The following LRRC40 variants were observed in gnomAD, a reference collection of about 807,000 sequenced individuals.
LRRC40 encodes leucine-rich repeat-containing protein 40.
In LRRC40, 76 loss-of-function variants were observed where a neutral mutation model predicts 72.8. That is an observed-to-expected ratio of 1.04 (90% CI 0.87 to 1.26). LRRC40 has a LOEUF of 1.26. Among genes scored for constraint, LRRC40 ranks in the 50% most tolerant of loss-of-function variants. The pLI, the probability that LRRC40 is intolerant of heterozygous loss-of-function variation, is 0.00. For synonymous variants in LRRC40, 243 were observed against 254.2 expected, an observed-to-expected ratio of 0.96 and a Z score of 0.42; for missense variants, 684 against 698.9, an observed-to-expected ratio of 0.98 and a Z score of 0.24.
At chr1:70,186,775 T>C (rs1268453381) in intron 3 of LRRC40, among the ~76,000 whole-genome samples, 1 of 152,210 alleles carries the variant, frequency 6.6e-6, no homozygotes, top group Non-Finnish European at 1.5e-5. Context: ...ACATCCCATG[T>C]ACCAGTATGT....
chr1:70,155,769 A>T lies in LRRC40; in HGVS notation c.1248T>A (p.Asp416Glu), dbSNP rs1283880386. 2.5e-6 allele frequency: 4 copies of T among 1,572,634 alleles called. No homozygotes were observed. The African/African-American group carries it at 4.0e-5, about 16-fold the overall frequency. Residue 416 changes from aspartate (D) to glutamate (E), a missense_variant, in exon 11 of 15, where the codon GAT becomes GAA. Coordinates refer to ENST00000370952, the MANE Select transcript of LRRC40 (RefSeq NM_017768.5). ...TGCTTTTTACTGCATCAAACACCTC[A>T]TCAGGAATCAAAGTTGCTTGTTTAT... ...YSDKQATLIP[D>E]EVFDAVKSNI...
chr1:70,190,320 A>G (rs1668465037), intron 1 of LRRC40, among the ~76,000 whole-genome samples: 1 of 152,082 alleles, frequency 6.6e-6, no homozygotes, highest in South Asian at 2.1e-4. Context: ...TTGGATGATT[A>G]ATCAGATAAA....
chr1:70,179,024 T>C (rs1385617097), intron 5 of LRRC40, 31 bp from the exon 6 acceptor site: 3 of 1,385,624 alleles, frequency 2.2e-6, no homozygotes, highest in South Asian at 1.7e-5. Flanking sequence ...AAAACAAAAA[T>C]AGAGAAAAAA....
Position 70,173,090 on chromosome 1 carries a change from C to T in LRRC40, c.1111+375G>A, listed in dbSNP as rs150281440. 5.6e-3 allele frequency among the ~76,000 whole-genome samples: 847 copies of T among 151,832 alleles called. 8 individuals are homozygous for T. Among genetic ancestry groups the T allele is most frequent in the African/African-American group, 0.019 (795 of 41,446 alleles). ...TGTCAGAGTTTAGCAAAGCTGTGCA[C>T]GAAAAATAGATAATGAAATACTTGT... On this transcript the variant is annotated intron_variant, in intron 9 of 14. Coordinates refer to ENST00000370952, the MANE Select transcript of LRRC40 (RefSeq NM_017768.5).
At chr1:70,161,733 T>C (rs1347068992) in intron 9 of LRRC40, among the ~76,000 whole-genome samples, 1 of 151,912 alleles carries the variant, frequency 6.6e-6, no homozygotes, top group Non-Finnish European at 1.5e-5. Context: ...TTAGAAGGGG[T>C]TGGAAAAGCT....
Position 70,175,671 on chromosome 1 carries a change from T to C in LRRC40, c.977+139A>G, listed in dbSNP as rs983209698. On this transcript the variant is annotated intron_variant, in intron 7 of 14. Coordinates refer to ENST00000370952, the MANE Select transcript of LRRC40 (RefSeq NM_017768.5). ...ACAAAACCTAATTAATCTTTATCTG[T>C]ACATAACTACTGCTCAATCAATATT... 50 of 606,832 alleles carry C rather than the reference T, an allele frequency of 8.2e-5. No homozygotes were observed. In the African/African-American group the frequency reaches 8.9e-4, roughly 11 times the overall value. The allele number at this position is 606,832 out of a possible 1,614,324, so 37.6% of individuals were successfully genotyped here.
At chr1:70,190,775 T>C (rs1238675615) in intron 1 of LRRC40, among the ~76,000 whole-genome samples, 1 of 151,586 alleles carries the variant, frequency 6.6e-6, no homozygotes, top group African/African-American at 2.4e-5. Flanking sequence ...TCTTACTCCT[T>C]ATGTCTGATT....
chr1:70,175,566 T>C (rs1446553801), intron 7 of LRRC40, among the ~76,000 whole-genome samples: 3 of 152,162 alleles, frequency 2.0e-5, no homozygotes, highest in East Asian at 3.8e-4. Context: ...AGAGTAATAA[T>C]ACTAATACTA....
At chr1:70,161,733 T>G (rs1347068992) in intron 9 of LRRC40, among the ~76,000 whole-genome samples, 5 of 151,912 alleles carry the variant, frequency 3.3e-5, no homozygotes, top group Non-Finnish European at 5.9e-5. Flanking sequence ...TTAGAAGGGG[T>G]TGGAAAAGCT....
rs1404854321 is a variant in LRRC40, at chr1:70,145,604, TAAATAA to T, written c.*190_*195del. 2 of 388,290 alleles carry T rather than the reference TAAATAA, an allele frequency of 5.2e-6. No individual in the cohort carries two copies. The highest frequency in any genetic ancestry group is 9.2e-6 in the Non-Finnish European group (2 of 218,100). 24.1% of individuals were successfully genotyped at this position (388,290 alleles called of 1,614,324 possible). A position where few individuals can be genotyped will look rare whatever the true frequency, so the allele number is the denominator to read the frequency against. On this transcript the variant is annotated 3_prime_UTR_variant, in exon 15 of 15. Coordinates refer to ENST00000370952, the MANE Select transcript of LRRC40 (RefSeq NM_017768.5). ...TGTATACAACACCTTACAAAAATCT[TAAATAA>T]AAATGTAAAAATATTTACTGGCAGT...
chr1:70,194,769 T>G (rs990152223), intron 1 of LRRC40, among the ~76,000 whole-genome samples: 23 of 152,218 alleles, frequency 1.5e-4, no homozygotes, highest in African/African-American at 5.3e-4. Flanking sequence ...CAAACAATTT[T>G]GAAATAAAAG....
chr1:70,200,433 C>A (rs1668710637), intron 1 of LRRC40, among the ~76,000 whole-genome samples: 2 of 151,740 alleles, frequency 1.3e-5, no homozygotes, highest in Non-Finnish European at 2.9e-5. Context: ...TGTACTCTAG[C>A]CCGGTCAACA....
chr1:70,204,582 T>C (rs1303470630), intron 1 of LRRC40, among the ~76,000 whole-genome samples: 6 of 152,176 alleles, frequency 3.9e-5, no homozygotes, highest in African/African-American at 1.4e-4. Flanking sequence ...GCTTGCCTAA[T>C]CTACTTTATA....
In LRRC40 at chr1:70,151,167, G is replaced by A. The variant is rs1667476893; in HGVS notation, c.1478C>T (p.Ser493Leu). The A allele has an allele frequency of 6.3e-7, 1 of 1,589,214 alleles. No individual in the cohort carries two copies. Among genetic ancestry groups the A allele is most frequent in the Non-Finnish European group, 8.6e-7 (1 of 1,159,238 alleles). Residue 493 changes from serine (S) to leucine (L), a missense_variant, in exon 13 of 15, where the codon TCA (serine) becomes TTA (leucine). Coordinates refer to ENST00000370952, the MANE Select transcript of LRRC40 (RefSeq NM_017768.5). Reference protein sequence around the residue: ...FLNSLPEEMESLVRLQTINLS... With the variant: ...FLNSLPEEMELLVRLQTINLS... ...ATTGATCGTTTGCAGTCTTACCAGT[G>A]ATTCCATTTCTTCTGGCAAAGAATT...
At chr1:70,167,679 A>G (rs1435148959) in intron 9 of LRRC40, among the ~76,000 whole-genome samples, 1 of 151,694 alleles carries the variant, frequency 6.6e-6, no homozygotes, top group Non-Finnish European at 1.5e-5. Context: ...CAGTGGCACA[A>G]TCTCGGCTCA....
intron 9 of LRRC40, among the ~76,000 whole-genome samples, chr1:70,169,172 C>G (rs182517756): frequency 2.9e-4 from 44 of 152,270 alleles, no homozygotes; most frequent in African/African-American, 1.0e-3. Context: ...ATACCTCGCT[C>G]TGTACACAGC....
intron 9 of LRRC40, among the ~76,000 whole-genome samples, chr1:70,171,349 G>A (rs1558118126): frequency 1.3e-5 from 2 of 150,674 alleles, no homozygotes; most frequent in Non-Finnish European, 3.0e-5. Context: ...AATTGGACTT[G>A]CTCAAAATTA....
At chr1:70,187,894 G>GAAGTC (rs1553216075) in intron 2 of LRRC40, among the ~76,000 whole-genome samples, 1 of 143,306 alleles carries the variant, frequency 7.0e-6, no homozygotes, top group African/African-American at 2.5e-5. Flanking sequence ...GAAGAGAAGA[G>GAAGTC]AAGTCATGAA....
chr1:70,176,531 C>CAAAAAA (rs368720423), intron 6 of LRRC40, among the ~76,000 whole-genome samples: 7 of 29,616 alleles, frequency 2.4e-4, no homozygotes, highest in East Asian at 1.9e-3. Context: ...GAATCCATCT[C>CAAAAAA]AAAAAAAAAA....
Sources: gnomAD v4.1 joint callset for allele counts (sites outside exome capture counted in the v4.1 genomes callset) on GRCh38, gnomAD v4.1.1 for gene constraint, MANE v1.5 for transcripts, NCBI Gene and HGNC (gene_info 2026-07-23, HGNC 2026-07-21) for gene names.